C4orf50: variants seen among roughly 807,000 people sequenced by gnomAD.
The protein encoded by C4orf50 is chromosome 4 open reading frame 50.
C4orf50 carries 80 observed loss-of-function variants against 77.2 expected under a neutral mutation model. That is an observed-to-expected ratio of 1.04 (90% CI 0.87 to 1.25). The LOEUF (loss-of-function observed/expected upper bound fraction) is 1.25. Among genes scored for constraint, C4orf50 ranks in the 50% most tolerant of loss-of-function variants. The pLI, the probability that C4orf50 is intolerant of heterozygous loss-of-function variation, is 0.00. For synonymous variants in C4orf50, 532 were observed against 465.3 expected, an observed-to-expected ratio of 1.14 and a Z score of -1.84; for missense variants, 1,257 against 1,152.9, an observed-to-expected ratio of 1.09 and a Z score of -1.31.
intron 7 of C4orf50, among the ~76,000 whole-genome samples, chr4:5,911,582 G>A (rs1401216878): frequency 6.6e-6 from 1 of 152,188 alleles, no homozygotes. Context: ...GCCCAGCTTG[G>A]CCTGCTTCAC....
chr4:5,928,510 G>A lies in C4orf50; in HGVS notation c.*2474+28391C>T, dbSNP rs1577898304. Among the ~76,000 whole-genome samples the A allele has an allele frequency of 3.9e-5, 6 of 152,198 alleles. No homozygotes were observed. The East Asian group carries it at 1.2e-3, about 29-fold the overall frequency. ...CTGACCAAGTGCTTATGGAAACCAG[G>A]AGGCAGATCTGTGTGCTGACAGGGA... On this transcript the variant is annotated intron_variant, in intron 7 of 7. Transcript: ENST00000324058.
Position 6,015,407 on chromosome 4 carries a change from T to G in C4orf50, c.287+2738A>C, listed in dbSNP as rs1317239515. Among the ~76,000 whole-genome samples, 3 of 151,780 alleles carry G rather than the reference T, an allele frequency of 2.0e-5. No homozygotes were observed. The highest frequency in any genetic ancestry group is 4.4e-5 in the Non-Finnish European group (3 of 67,964). On this transcript the variant is annotated intron_variant, in intron 23 of 33. Coordinates refer to ENST00000531445, the Ensembl canonical transcript of C4orf50. This position sits in a 1 kb window ranked among gnomAD's most constrained non-coding sequence, Gnocchi z 4.4. ...GGAGTGAGGCCTCAGGAGAAACCAA[T>G]CCTGCCGACCCCCCGAGCTTGGGCT...
chr4:5,975,441 C>A (rs956974744), intron 30 of C4orf50, among the ~76,000 whole-genome samples: 1 of 152,112 alleles, frequency 6.6e-6, no homozygotes, highest in Non-Finnish European at 1.5e-5. Context: ...CATGGAAATG[C>A]CATGTGCAAG....
rs938117552 is a variant in C4orf50, at chr4:5,938,197, TA to T, written c.*2474+18703del. 1.1e-4 allele frequency among the ~76,000 whole-genome samples: 16 copies of T among 151,940 alleles called. No homozygotes were observed. In the South Asian group the frequency reaches 1.2e-3, roughly 12 times the overall value. On this transcript the variant is annotated intron_variant, in intron 7 of 7. Transcript: ENST00000324058. Reference sequence around the variant, plus strand: ...TGGAAATAGAGCAAGCCTTGACAAGTAAAAAAAATGGAAATTATATGAACCA... The same window carrying T: ...TGGAAATAGAGCAAGCCTTGACAAGTAAAAAAATGGAAATTATATGAACCA...
At chr4:5,995,648 G>A (rs1394679147) in intron 25 of C4orf50, among the ~76,000 whole-genome samples, 1 of 152,116 alleles carries the variant, frequency 6.6e-6, no homozygotes, top group African/African-American at 2.4e-5. Flanking sequence ...TACTCCACTG[G>A]ACTGTGAGCT....
At chr4:6,003,436 G>GGTGATA (rs1721927682) in intron 25 of C4orf50, among the ~76,000 whole-genome samples, 2 of 151,912 alleles carry the variant, frequency 1.3e-5, no homozygotes, top group Admixed American at 1.3e-4. Context: ...CAATGGTGAT[G>GGTGATA]GTGATAGTGA....
intron 25 of C4orf50, among the ~76,000 whole-genome samples, chr4:5,997,146 A>G (rs1721627884): frequency 6.6e-6 from 1 of 152,226 alleles, no homozygotes; most frequent in African/African-American, 2.4e-5. Flanking sequence ...ATAAATAGAA[A>G]AAGGGAGAGG....
exon 34 of C4orf50, chr4:5,959,240 C>T (rs1719133681): frequency 9.4e-7 from 1 of 1,065,004 alleles, no homozygotes; most frequent in South Asian, 1.6e-5. Context: ...ACACAAAATC[C>T]CAAAGCCGAA....
At chr4:5,994,122 C>A (rs144943814) in intron 26 of C4orf50, among the ~76,000 whole-genome samples, 1 of 152,180 alleles carries the variant, frequency 6.6e-6, no homozygotes, top group Admixed American at 6.5e-5. Context: ...CAGCTGAGCC[C>A]GAGCCAAAGG....
intron 7 of C4orf50, among the ~76,000 whole-genome samples, chr4:5,918,535 A>G (rs1386942376): frequency 1.3e-5 from 2 of 152,174 alleles, no homozygotes; most frequent in African/African-American, 4.8e-5. Context: ...GTCCAGCCAC[A>G]GTGGCTGCAG....
rs1343960972 is a variant in C4orf50 at position 5,901,403 on chromosome 4, G to A, written c.*2475-3215C>T. 6.6e-6 allele frequency: 1 copy of A among 152,150 alleles called. No individual in the cohort carries two copies. The highest frequency in any genetic ancestry group is 1.5e-5 in the Non-Finnish European group (1 of 68,034). The allele number at this position is 152,150 out of a possible 1,614,324, so 9.4% of individuals were successfully genotyped here. A position where few individuals can be genotyped will look rare whatever the true frequency, so the allele number is the denominator to read the frequency against. The stretch of plus-strand genomic sequence containing the variant: ...TTGCCCAGCAAGTAAACTGGGGAGG[G>A]GAGGCCACTTTCCCTAGTCTCGGAG... On this transcript the variant is annotated intron_variant, in intron 7 of 7. Coordinates refer to the C4orf50 transcript ENST00000324058. This position sits in a 1 kb window ranked among gnomAD's most constrained non-coding sequence, Gnocchi z 4.4.
chr4:5,944,611 A>C (rs779496260), intron 7 of C4orf50, among the ~76,000 whole-genome samples: 73 of 152,224 alleles, frequency 4.8e-4, no homozygotes, highest in Non-Finnish European at 8.4e-4. Flanking sequence ...CCAGTGGAGG[A>C]AGCAGCACCC....
Position 6,015,620 on chromosome 4 carries a change from G to A in C4orf50, c.287+2525C>T, listed in dbSNP as rs968236253. Among the ~76,000 whole-genome samples the A allele has an allele frequency of 3.3e-5, 5 of 152,100 alleles. No homozygotes were observed. The highest frequency in any genetic ancestry group is 1.2e-4 in the African/African-American group (5 of 41,384). ...CGGGGTACCCTGGTCTCCTCCTGCA[G>A]CTGTAACACGTCACCACAAGCTTGG... On this transcript the variant is annotated intron_variant, in intron 23 of 33. Coordinates refer to ENST00000531445, the Ensembl canonical transcript of C4orf50. This position sits in a 1 kb window ranked among gnomAD's most constrained non-coding sequence, Gnocchi z 4.4.
intron 30 of C4orf50, among the ~76,000 whole-genome samples, chr4:5,974,277 A>G (rs898668670): frequency 6.6e-5 from 10 of 152,170 alleles, no homozygotes; most frequent in African/African-American, 2.2e-4. Flanking sequence ...ATAGCACTTT[A>G]TAAGGGATTA....
chr4:5,974,122 C>T (rs762381766), intron 30 of C4orf50, among the ~76,000 whole-genome samples: 7 of 152,218 alleles, frequency 4.6e-5, no homozygotes, highest in African/African-American at 1.2e-4. Context: ...GGCCCCACCA[C>T]GGACCAGCTC....
chr4:6,003,034 G>T (rs1302377609), intron 25 of C4orf50, among the ~76,000 whole-genome samples: 2 of 152,138 alleles, frequency 1.3e-5, no homozygotes, highest in Non-Finnish European at 2.9e-5. Context: ...CAGACAGGGG[G>T]CTTCACCCAC....
intron 28 of C4orf50, among the ~76,000 whole-genome samples, chr4:5,981,402 C>CT (rs35263863): frequency 0.23 from 28,014 of 123,960 alleles, 3,754 homozygotes; most frequent in East Asian, 0.6. Flanking sequence ...AAGTGAGTAT[C>CT]TTTTTTTTTT....
chr4:5,961,620 T>C (rs1719281837), intron 33 of C4orf50, among the ~76,000 whole-genome samples: 1 of 152,154 alleles, frequency 6.6e-6, no homozygotes, highest in Non-Finnish European at 1.5e-5. Flanking sequence ...TGCTGCAAGA[T>C]TTGAACCCAG....
chr4:5,908,953 C>T lies in C4orf50; in HGVS notation c.*2475-10765G>A, dbSNP rs1053728395. Among the ~76,000 whole-genome samples, 1 of 152,194 alleles carries T rather than the reference C, an allele frequency of 6.6e-6. No individual in the cohort carries two copies. Among genetic ancestry groups the T allele is most frequent in the Non-Finnish European group, 1.5e-5 (1 of 68,030 alleles). ...CTCCCCTGAATGGCCATTGTCCCAGCCCAGTCCATGACTGCCTCTTAGCTG... is the reference window on the plus strand; with the variant it reads ...CTCCCCTGAATGGCCATTGTCCCAGTCCAGTCCATGACTGCCTCTTAGCTG... On this transcript the variant is annotated intron_variant, in intron 7 of 7. Transcript: ENST00000324058. The surrounding 1 kb of genome is among the most constrained non-coding windows in gnomAD (Gnocchi z 5.6).
Sources: allele counts gnomAD v4.1 joint callset (sites outside exome capture counted in the v4.1 genomes callset), GRCh38; gene constraint gnomAD v4.1.1; non-coding constraint Gnocchi (gnomAD v3.1); transcripts MANE v1.5; gene names NCBI Gene and HGNC (gene_info 2026-07-23, HGNC 2026-07-21).